Variants in ARL4D observed in about 807,000 individuals in gnomAD.
ARL4D encodes the protein ADP-ribosylation factor-like protein 4D.
In ARL4D, 1 loss-of-function variant was observed where a neutral mutation model predicts 0.6. That is an observed-to-expected ratio of 1.64 (90% CI 0.58 to 7.76). The LOEUF (loss-of-function observed/expected upper bound fraction) is 7.76. Among genes scored for constraint, ARL4D ranks in the 30% most tolerant of loss-of-function variants. The pLI is 0.14. For synonymous variants in ARL4D, 102 were observed against 115.2 expected, an observed-to-expected ratio of 0.89 and a Z score of 0.73; for missense variants, 230 against 264.5, an observed-to-expected ratio of 0.87 and a Z score of 0.90.
chr17:43,400,648 A>C lies in ARL4D; in HGVS notation c.*310A>C. On this transcript the variant is annotated 3_prime_UTR_variant, in exon 2 of 2. Coordinates refer to ENST00000320033, the MANE Select transcript of ARL4D (RefSeq NM_001661.4). The stretch of plus-strand genomic sequence containing the variant: ...TTTCTTCTCTGGCTAAAAATTTTTA[A>C]TTGGATGTGTTTGGGGGCGGGGGGA... The C allele has an allele frequency of 1.2e-5, 3 of 257,058 alleles. No individual in the cohort carries two copies. Among genetic ancestry groups the C allele is most frequent in the Non-Finnish European group, 1.6e-5 (2 of 124,332 alleles). 15.9% of individuals were successfully genotyped at this position (257,058 alleles called of 1,614,324 possible). A position where few individuals can be genotyped will look rare whatever the true frequency, so the allele number is the denominator to read the frequency against.
At position 43,400,008 on chromosome 17, in the gene ARL4D, C is replaced by T. The variant is rs1435875917; in HGVS notation, c.276C>T (p.Arg92=). ...GACCACTGTGGCGCTCTTATACCCG[C>T]CGGACAGACGGTCTAGTGTTTGTGG... ...KLRPLWRSYT[R]RTDGLVFVVD... is the part of the protein sequence containing the mutation. Residue 92 remains arginine (R), a synonymous_variant, in exon 2 of 2, where the codon CGC becomes CGT. Transcript: ENST00000320033. The T allele has an allele frequency of 9.9e-6, 16 of 1,614,014 alleles. No individual in the cohort carries two copies. Among genetic ancestry groups the T allele is most frequent in the Non-Finnish European group, 1.4e-5 (16 of 1,180,030 alleles).
rs1373132732 is a variant in ARL4D at position 43,399,844 on chromosome 17, C to G, written c.112C>G (p.Leu38Val). 4 of 1,613,996 alleles carry G rather than the reference C, an allele frequency of 2.5e-6. No individual in the cohort carries two copies. Among genetic ancestry groups the G allele is most frequent in the Non-Finnish European group, 3.4e-6 (4 of 1,180,026 alleles). The change falls in exon 2 of 2, where the codon CTT becomes GTT. Residue 38 changes from leucine to valine, a missense_variant. Physicochemically the swap from Leu to Val is conservative, Grantham distance 32. Transcript: ENST00000320033. The part of the protein sequence containing the change: ...GLDSAGKTSL[L>V]YRLKFKEFVQ... The stretch of plus-strand genomic sequence containing the variant: ...GGACTCTGCTGGAAAGACCTCCCTC[C>G]TTTACCGCCTCAAGTTCAAGGAGTT...
chr17:43,400,809 G>C lies in ARL4D; in HGVS notation c.*471G>C. 5.7e-6 allele frequency: 1 copy of C among 174,402 alleles called. No individual in the cohort carries two copies. The allele number at this position is 174,402 out of a possible 1,614,324, so 10.8% of individuals were successfully genotyped here. A position where few individuals can be genotyped will look rare whatever the true frequency, so the allele number is the denominator to read the frequency against. On this transcript the variant is annotated 3_prime_UTR_variant, in exon 2 of 2. Coordinates refer to ENST00000320033, the MANE Select transcript of ARL4D (RefSeq NM_001661.4). ...TTTTTATTTTTGTGTCTGTGAAAGT[G>C]CCAAGAACCCCTCCCCACATTTGTA... is the stretch of plus-strand genomic sequence containing the variant.
Position 43,400,262 on chromosome 17 carries a change from A to T in ARL4D, c.530A>T (p.Gln177Leu), listed in dbSNP as rs1379853915. 3 of 1,609,722 alleles carry T rather than the reference A, an allele frequency of 1.9e-6. No homozygotes were observed. The highest frequency in any genetic ancestry group is 2.5e-6 in the Non-Finnish European group (3 of 1,179,174). Residue 177 changes from glutamine (Q) to leucine (L), a missense_variant, in exon 2 of 2, where the codon CAG (glutamine) becomes CTG (leucine). Transcript: ENST00000320033. The stretch of plus-strand genomic sequence containing the variant: ...AGCGCTGTGGACGGTCTGGGCCTGC[A>T]GCAGGGCCTTGAGCGCCTCTATGAG... ...GCSAVDGLGLQQGLERLYEMI... is the reference protein window; with the variant it reads ...GCSAVDGLGLLQGLERLYEMI...
rs376543478 is a variant in ARL4D, at chr17:43,399,754, A to G, written c.22A>G (p.Met8Val). 2.5e-6 allele frequency: 4 copies of G among 1,612,998 alleles called. No individual in the cohort carries two copies. The highest frequency in any genetic ancestry group is 3.4e-6 in the Non-Finnish European group (4 of 1,179,414). Reference protein sequence around the residue: MGNHLTEMAPTASSFLPH... With the variant: MGNHLTEVAPTASSFLPH... ...CACTATGGGGAACCACTTGACTGAG[A>G]TGGCGCCCACTGCCTCCTCCTTCTT... The change falls in exon 2 of 2, where the codon ATG (methionine) becomes GTG (valine). Residue 8 changes from methionine (M) to valine (V), a missense_variant. Around this residue, in one of 3 missense-constraint regions of ARL4D, gnomAD observed 91 missense variants for 100.4 expected, o/e 0.91. Transcript: ENST00000320033.
rs1158090034 is a variant in ARL4D at position 43,400,077 on chromosome 17, G to A, written c.345G>A (p.Glu115=). 6.2e-7 allele frequency: 1 copy of A among 1,612,880 alleles called. No individual in the cohort carries two copies. Among genetic ancestry groups the A allele is most frequent in the South Asian group, 1.1e-5 (1 of 91,080 alleles). ...AGCGGCTGGAGGAAGCCAAGGTGGA[G>A]TTGCACCGAATCAGCCGGGCCTCGG... ...EAERLEEAKV[E]LHRISRASDN... is the part of the protein sequence containing the mutation. Residue 115 remains glutamate (E), a synonymous_variant, in exon 2 of 2, where the codon GAG becomes GAA. Coordinates refer to ENST00000320033, the MANE Select transcript of ARL4D (RefSeq NM_001661.4).
Position 43,400,114 on chromosome 17 carries a change from G to A in ARL4D, c.382G>A (p.Val128Met). 6.2e-7 allele frequency: 1 copy of A among 1,610,786 alleles called. No individual in the cohort carries two copies. The highest frequency in any genetic ancestry group is 8.5e-7 in the Non-Finnish European group (1 of 1,179,878). ...RISRASDNQG[V>M]PVLVLANKQD... ...CAGCCGGGCCTCGGACAACCAGGGC[G>A]TGCCAGTGCTGGTGCTGGCCAACAA... The change falls in exon 2 of 2, where the codon GTG becomes ATG. Residue 128 changes from valine to methionine, a missense_variant. By Grantham distance (21) the Val-to-Met change is conservative. Coordinates refer to ENST00000320033, the MANE Select transcript of ARL4D (RefSeq NM_001661.4).
At position 43,399,916 on chromosome 17, in the gene ARL4D, G is replaced by A. The variant is rs1173769761; in HGVS notation, c.184G>A (p.Val62Met). The change falls in exon 2 of 2, where the codon GTG becomes ATG. Residue 62 changes from valine to methionine, a missense_variant. Physicochemically the swap from Val to Met is conservative, Grantham distance 21 (BLOSUM62 1). Around this residue, in one of 3 missense-constraint regions of ARL4D, gnomAD observed 91 missense variants for 100.4 expected, o/e 0.91. Coordinates refer to ENST00000320033, the MANE Select transcript of ARL4D (RefSeq NM_001661.4). Reference protein sequence around the residue: ...TKGFNTEKIRVPLGGSRGITF... With the variant: ...TKGFNTEKIRMPLGGSRGITF... ...AGGCTTCAACACCGAGAAGATCCGG[G>A]TGCCCCTCGGGGGATCGCGTGGCAT... 5.0e-6 allele frequency: 8 copies of A among 1,614,088 alleles called. No individual in the cohort carries two copies. The highest frequency in any genetic ancestry group is 6.8e-6 in the Non-Finnish European group (8 of 1,180,014).
Position 43,399,794 on chromosome 17 carries a change from C to G in ARL4D, c.62C>G (p.Ala21Gly). The G allele has an allele frequency of 6.2e-7, 1 of 1,614,056 alleles. No individual in the cohort carries two copies. The highest frequency in any genetic ancestry group is 8.5e-7 in the Non-Finnish European group (1 of 1,180,016). The change falls in exon 2 of 2, where the codon GCC (alanine) becomes GGC (glycine). Residue 21 changes from alanine (A) to glycine (G), a missense_variant. This residue lies in a region of ARL4D where 91 missense variants were observed against 100.4 expected (regional missense o/e 0.91). Transcript: ENST00000320033. ...TASSFLPHFQ[A>G]LHVVVIGLDS... ...TCCTCCTTCTTGCCCCACTTCCAAG[C>G]CCTGCATGTCGTGGTCATTGGGCTG...
Position 43,399,719 on chromosome 17 carries a change from C to A in ARL4D, c.-14C>A. 3.1e-6 allele frequency: 5 copies of A among 1,602,094 alleles called. No homozygotes were observed. The highest frequency in any genetic ancestry group is 3.4e-6 in the Non-Finnish European group (4 of 1,171,934). ...TCAAGGCCTCCCTGCCTCTACTAGGCGCCTTAGCTCACTATGGGGAACCAC... is the reference window on the plus strand; with the variant it reads ...TCAAGGCCTCCCTGCCTCTACTAGGAGCCTTAGCTCACTATGGGGAACCAC... On this transcript the variant is annotated 5_prime_UTR_variant, in exon 2 of 2. Coordinates refer to ENST00000320033, the MANE Select transcript of ARL4D (RefSeq NM_001661.4).
intron 1 of ARL4D, among the ~76,000 whole-genome samples, chr17:43,399,347 G>A (rs967898947): frequency 6.6e-6 from 1 of 151,992 alleles, no homozygotes; most frequent in East Asian, 1.9e-4. Flanking sequence ...CCCGTCCCTC[G>A]GGGATCTTGC....
At position 43,400,618 on chromosome 17, in the gene ARL4D, T is replaced by G. The variant is rs1192230028; in HGVS notation, c.*280T>G. Reference sequence around the variant, plus strand: ...TGTGACTCTACCTCGACCCTGTTTCTTATTTTTCTTCTCTGGCTAAAAATT... The same window carrying G: ...TGTGACTCTACCTCGACCCTGTTTCGTATTTTTCTTCTCTGGCTAAAAATT... On this transcript the variant is annotated 3_prime_UTR_variant, in exon 2 of 2. Transcript: ENST00000320033. 6.0e-6 allele frequency: 2 copies of G among 333,188 alleles called. No homozygotes were observed. The highest frequency in any genetic ancestry group is 1.1e-5 in the Non-Finnish European group (2 of 174,310). 20.6% of individuals were successfully genotyped at this position (333,188 alleles called of 1,614,324 possible). A position where few individuals can be genotyped will look rare whatever the true frequency, so the allele number is the denominator to read the frequency against.
Position 43,400,149 on chromosome 17 carries a change from G to C in ARL4D, c.417G>C (p.Gln139His). 6.2e-7 allele frequency: 1 copy of C among 1,608,408 alleles called. No homozygotes were observed. The highest frequency in any genetic ancestry group is 1.3e-5 in the African/African-American group (1 of 74,998). ...PVLVLANKQD[Q>H]PGALSAAEVE... Reference sequence around the variant, plus strand: ...TGGTGCTGGCCAACAAGCAGGACCAGCCCGGGGCACTGAGCGCTGCTGAGG... The same window carrying C: ...TGGTGCTGGCCAACAAGCAGGACCACCCCGGGGCACTGAGCGCTGCTGAGG... The change falls in exon 2 of 2, where the codon CAG becomes CAC. Residue 139 changes from glutamine to histidine, a missense_variant. Physicochemically the swap from Gln to His is conservative, Grantham distance 24 (BLOSUM62 0). Around this residue, in one of 3 missense-constraint regions of ARL4D, gnomAD observed 131 missense variants for 134.4 expected, o/e 0.97. Coordinates refer to ENST00000320033, the MANE Select transcript of ARL4D (RefSeq NM_001661.4).
intron 1 of ARL4D, 124 bp from the exon 2 acceptor site, chr17:43,399,537 A>G: frequency 2.6e-6 from 2 of 764,566 alleles, no homozygotes; most frequent in Non-Finnish European, 2.0e-6. Context: ...AAAAAAAAAA[A>G]AAAAGGAAAG....
intron 1 of ARL4D, 88 bp from the exon 2 acceptor site, chr17:43,399,573 G>A: frequency 1.1e-6 from 1 of 891,190 alleles, no homozygotes; most frequent in Non-Finnish European, 1.7e-6. Context: ...AGGATGGGAG[G>A]GTGATTTAGG....
At position 43,400,120 on chromosome 17, in the gene ARL4D, G is replaced by T; in HGVS notation, c.388G>T (p.Val130Leu). The T allele has an allele frequency of 6.2e-7, 1 of 1,610,434 alleles. No individual in the cohort carries two copies. Residue 130 changes from valine (V) to leucine (L), a missense_variant, in exon 2 of 2, where the codon GTG becomes TTG. Physicochemically the swap from Val to Leu is conservative, Grantham distance 32. Around this residue, in one of 3 missense-constraint regions of ARL4D, gnomAD observed 131 missense variants for 134.4 expected, o/e 0.97. Coordinates refer to ENST00000320033, the MANE Select transcript of ARL4D (RefSeq NM_001661.4). ...GGCCTCGGACAACCAGGGCGTGCCA[G>T]TGCTGGTGCTGGCCAACAAGCAGGA... ...SRASDNQGVP[V>L]LVLANKQDQP...
chr17:43,400,224 T>C lies in ARL4D; in HGVS notation c.492T>C (p.His164=). The C allele has an allele frequency of 3.1e-6, 5 of 1,603,866 alleles. No individual in the cohort carries two copies. Among genetic ancestry groups the C allele is most frequent in the Non-Finnish European group, 4.3e-6 (5 of 1,176,340 alleles). Reference sequence around the variant, plus strand: ...AGCTAGCAGCCGCCACTCTCACTCATGTGCAAGGCTGCAGCGCTGTGGACG... The same window carrying C: ...AGCTAGCAGCCGCCACTCTCACTCACGTGCAAGGCTGCAGCGCTGTGGACG... ...VRELAAATLT[H]VQGCSAVDGL... The change falls in exon 2 of 2, where the codon CAT becomes CAC. Residue 164 remains histidine, a synonymous_variant. Transcript: ENST00000320033.
Position 43,400,231 on chromosome 17 carries a change from G to A in ARL4D, c.499G>A (p.Gly167Ser). The A allele has an allele frequency of 5.0e-6, 8 of 1,605,014 alleles. No homozygotes were observed. The highest frequency in any genetic ancestry group is 6.8e-6 in the Non-Finnish European group (8 of 1,176,878). The change falls in exon 2 of 2, where the codon GGC becomes AGC. Residue 167 changes from glycine to serine, a missense_variant. Gly to Ser is a moderately conservative substitution (Grantham distance 56). This residue lies in a region of ARL4D where 131 missense variants were observed against 134.4 expected (regional missense o/e 0.97). Transcript: ENST00000320033. ...AGCCGCCACTCTCACTCATGTGCAA[G>A]GCTGCAGCGCTGTGGACGGTCTGGG... The part of the protein sequence containing the change: ...LAAATLTHVQ[G>S]CSAVDGLGLQ...
Position 43,400,264 on chromosome 17 carries a change from C to G in ARL4D, c.532C>G (p.Gln178Glu). The G allele has an allele frequency of 6.2e-7, 1 of 1,609,736 alleles. No homozygotes were observed. Among genetic ancestry groups the G allele is most frequent in the Middle Eastern group, 2.2e-4 (1 of 4,634 alleles). The change falls in exon 2 of 2, where the codon CAG (glutamine) becomes GAG (glutamate). Residue 178 changes from glutamine to glutamate, a missense_variant. Physicochemically the swap from Gln to Glu is conservative, Grantham distance 29. This residue lies in a region of ARL4D where 131 missense variants were observed against 134.4 expected (regional missense o/e 0.97). Transcript: ENST00000320033. ...CGCTGTGGACGGTCTGGGCCTGCAGCAGGGCCTTGAGCGCCTCTATGAGAT... is the reference window on the plus strand; with the variant it reads ...CGCTGTGGACGGTCTGGGCCTGCAGGAGGGCCTTGAGCGCCTCTATGAGAT... ...CSAVDGLGLQ[Q>E]GLERLYEMIL... is the part of the protein sequence containing the mutation.
Sources: allele counts gnomAD v4.1 joint callset (sites outside exome capture counted in the v4.1 genomes callset), GRCh38; gene constraint gnomAD v4.1.1; regional missense constraint gnomAD v4.1.1; transcripts MANE v1.5; gene names NCBI Gene and HGNC (gene_info 2026-07-23, HGNC 2026-07-21).